ULBP3: variants seen among roughly 807,000 people sequenced by gnomAD.
ULBP3 encodes the protein UL16 binding protein 3.
A neutral mutation model predicts 24.9 loss-of-function variants in ULBP3; 25 were observed. The observed-to-expected ratio is 1.00, with a 90% CI of 0.73 to 1.40. ULBP3 has a LOEUF of 1.40. Ranked by LOEUF, ULBP3 falls within the 40% of genes most tolerant of loss-of-function variation. The pLI, the probability that ULBP3 is intolerant of heterozygous loss-of-function variation, is 0.00. For synonymous variants in ULBP3, 114 were observed against 114.7 expected, an observed-to-expected ratio of 0.99 and a Z score of 0.04; for missense variants, 306 against 307.5, an observed-to-expected ratio of 1.00 and a Z score of 0.04.
In ULBP3 at chr6:150,065,651, C is replaced by A. The variant is rs1396078365; in HGVS notation, c.375G>T (p.Arg125Ser). 1.2e-6 allele frequency: 2 copies of A among 1,614,214 alleles called. No homozygotes were observed. Among genetic ancestry groups the A allele is most frequent in the East Asian group, 2.2e-5 (1 of 44,888 alleles). ...TPSGPLTLQV[R>S]MSCECEADGY... ...CATCGGCTTCACACTCACAAGACAT[C>A]CTGACCTGCAGCGTGAGGGGTCCTG... The change falls in exon 3 of 5, where the codon AGG becomes AGT. Residue 125 changes from arginine (R) to serine (S), a missense_variant. Arg to Ser is a moderately radical substitution (Grantham distance 110). Transcript: ENST00000367339.
At chr6:150,067,316 C>A (rs969184380) in intron 1 of ULBP3, among the ~76,000 whole-genome samples, 2 of 152,230 alleles carry the variant, frequency 1.3e-5, no homozygotes, top group Non-Finnish European at 2.9e-5. Context: ...ATTGCAATGA[C>A]TCCTTCAGCC....
rs144839550 is a variant in ULBP3 at position 150,066,161 on chromosome 6, G to A, written c.90C>T (p.Asp30=). 5.4e-5 allele frequency: 87 copies of A among 1,611,286 alleles called. No individual in the cohort carries two copies. The African/African-American group carries it at 9.1e-4, about 17-fold the overall frequency. ...TGAAGTTATACCAGAGAGAGTGAGC[G>A]TCTAAGGAAAAAAAAAAAAAACACC... The part of the protein sequence containing the change: ...LFDWSGTGRA[D]AHSLWYNFTI... Residue 30 remains aspartate (D), a splice_region_variant and synonymous_variant, in exon 2 of 5, where the codon GAC becomes GAT. Coordinates refer to ENST00000367339, the MANE Select transcript of ULBP3 (RefSeq NM_024518.3).
At chr6:150,066,211 A>T (rs1469949668) in intron 1 of ULBP3, 49 bp from the exon 2 acceptor site, 1 of 1,578,420 alleles carries the variant, frequency 6.3e-7, no homozygotes, top group Non-Finnish European at 8.6e-7. Flanking sequence ...TGGGGGAAAG[A>T]CCCCAAACAC....
rs202219794 is a variant in ULBP3, at chr6:150,065,447, G to C, written c.579C>G (p.Ser193Arg). ...TGTGCATCAGGAAGTCCCTAAGCCA[G>C]CTCTTGCAGTCTCTCATTGAGACCA... is the stretch of plus-strand genomic sequence containing the variant. ...FKMVSMRDCK[S>R]WLRDFLMHRK... Residue 193 changes from serine (S) to arginine (R), a missense_variant, in exon 3 of 5, where the codon AGC (serine) becomes AGG (arginine). Physicochemically the swap from Ser to Arg is moderately radical, Grantham distance 110. Transcript: ENST00000367339. The C allele has an allele frequency of 6.2e-7, 1 of 1,614,162 alleles. No individual in the cohort carries two copies. Among genetic ancestry groups the C allele is most frequent in the East Asian group, 2.2e-5 (1 of 44,884 alleles).
Position 150,062,945 on chromosome 6 carries a change from A to G in ULBP3, c.*429T>C, listed in dbSNP as rs1776291144. Among the ~76,000 whole-genome samples the G allele has an allele frequency of 1.3e-5, 2 of 151,580 alleles. No individual in the cohort carries two copies. The highest frequency in any genetic ancestry group is 6.6e-5 in the Admixed American group (1 of 15,224). On this transcript the variant is annotated 3_prime_UTR_variant, in exon 5 of 5. Transcript: ENST00000367339. ...GTGAAACCCTGTCTCTACTAAAAAT[A>G]CAAAAAATTAGCCGGGCGCGGTGGC...
rs558595538 is a variant in ULBP3, at chr6:150,061,222, T to C, written c.*2152A>G. Among the ~76,000 whole-genome samples the C allele has an allele frequency of 6.6e-5, 10 of 152,318 alleles. No homozygotes were observed. In the East Asian group the frequency reaches 1.9e-3, roughly 29 times the overall value. ...CTCTCGTTCCACTCAGTTAACCCCA[T>C]TTTTTGGAGGGCTCTATGTCATTTT... On this transcript the variant is annotated 3_prime_UTR_variant, in exon 5 of 5. Transcript: ENST00000367339.
chr6:150,068,685 C>G (rs763241017), intron 1 of ULBP3, among the ~76,000 whole-genome samples: 1 of 152,192 alleles, frequency 6.6e-6, no homozygotes, highest in African/African-American at 2.4e-5. Context: ...AGTGGGGCTG[C>G]GGGGTTGCAC....
rs771989736 is a variant in ULBP3 at position 150,065,510 on chromosome 6, C to G, written c.516G>C (p.Lys172Asn). ...TGGTCAGTCCGCTATCCTTCTCCCACTTCTCTTTCATCCGCCTGGCTCCAG... is the reference window on the plus strand; with the variant it reads ...TGGTCAGTCCGCTATCCTTCTCCCAGTTCTCTTTCATCCGCCTGGCTCCAG... ...VHAGARRMKE[K>N]WEKDSGLTTF... Residue 172 changes from lysine (K) to asparagine (N), a missense_variant, in exon 3 of 5, where the codon AAG (lysine) becomes AAC (asparagine). Transcript: ENST00000367339. The G allele has an allele frequency of 1.2e-6, 2 of 1,614,214 alleles. No homozygotes were observed. Among genetic ancestry groups the G allele is most frequent in the Admixed American group, 3.3e-5 (2 of 60,030 alleles).
Position 150,065,683 on chromosome 6 carries a change from T to A in ULBP3, c.353-10A>T. The A allele has an allele frequency of 6.2e-7, 1 of 1,613,756 alleles. No individual in the cohort carries two copies. The highest frequency in any genetic ancestry group is 8.5e-7 in the Non-Finnish European group (1 of 1,179,736). On this transcript the variant is annotated splice_polypyrimidine_tract_variant and intron_variant, in intron 2 of 4. Transcript: ENST00000367339. Reference sequence around the variant, plus strand: ...TGCAGCGTGAGGGGTCCTGCCCCAATCAGAAAGAGATCAGCCCTGGTGTTT... The same window carrying A: ...TGCAGCGTGAGGGGTCCTGCCCCAAACAGAAAGAGATCAGCCCTGGTGTTT...
chr6:150,069,099 A>G lies in ULBP3; in HGVS notation c.-33T>C. The G allele has an allele frequency of 6.2e-7, 1 of 1,600,550 alleles. No homozygotes were observed. The highest frequency in any genetic ancestry group is 8.5e-7 in the Non-Finnish European group (1 of 1,173,566). ...CAGGAGCGCCCGGGACACAAGGCGC[A>G]GTCGATGTGGAGACCAGCGTATGAA... On this transcript the variant is annotated 5_prime_UTR_variant, in exon 1 of 5. Coordinates refer to ENST00000367339, the MANE Select transcript of ULBP3 (RefSeq NM_024518.3).
intron 4 of ULBP3, 112 bp downstream of exon 4, chr6:150,064,473 G>A: frequency 1.0e-6 from 1 of 966,528 alleles, no homozygotes; most frequent in Non-Finnish European, 1.6e-6. Flanking sequence ...TCTCATGTCA[G>A]AACGAGAAGG....
chr6:150,066,718 T>C (rs945047546), intron 1 of ULBP3, among the ~76,000 whole-genome samples: 6 of 152,140 alleles, frequency 3.9e-5, no homozygotes, highest in Admixed American at 3.9e-4. Flanking sequence ...GAAGTGCCCA[T>C]GCCAGAGTGA....
rs1177090250 is a variant in ULBP3, at chr6:150,066,144, T to C, written c.107A>G (p.Tyr36Cys). Residue 36 changes from tyrosine to cysteine, a missense_variant, in exon 2 of 5, where the codon TAT (tyrosine) becomes TGT (cysteine). Physicochemically the swap from Tyr to Cys is radical, Grantham distance 194. Coordinates refer to ENST00000367339, the MANE Select transcript of ULBP3 (RefSeq NM_024518.3). ...TGRADAHSLW[Y>C]NFTIIHLPRH... ...GGGCAAATGAATGATGGTGAAGTTATACCAGAGAGAGTGAGCGTCTAAGGA... is the reference window on the plus strand; with the variant it reads ...GGGCAAATGAATGATGGTGAAGTTACACCAGAGAGAGTGAGCGTCTAAGGA... The C allele has an allele frequency of 1.2e-6, 2 of 1,613,878 alleles. No individual in the cohort carries two copies. Among genetic ancestry groups the C allele is most frequent in the South Asian group, 1.1e-5 (1 of 91,076 alleles).
intron 4 of ULBP3, among the ~76,000 whole-genome samples, chr6:150,064,035 C>T (rs1212985981): frequency 6.6e-6 from 1 of 152,216 alleles, no homozygotes; most frequent in African/African-American, 2.4e-5. Flanking sequence ...TACTCTTCAC[C>T]TTCCACCTTA....
Position 150,063,239 on chromosome 6 carries a change from G to A in ULBP3, c.*135C>T. 35 of 564,068 alleles carry A rather than the reference G, an allele frequency of 6.2e-5. No homozygotes were observed. The highest frequency in any genetic ancestry group is 7.9e-5 in the Non-Finnish European group (35 of 444,874). 34.9% of individuals were successfully genotyped at this position (564,068 alleles called of 1,614,324 possible). On this transcript the variant is annotated 3_prime_UTR_variant, in exon 5 of 5. Coordinates refer to ENST00000367339, the MANE Select transcript of ULBP3 (RefSeq NM_024518.3). ...GCTGGGGGCCTCTGGGCTTGCTAAG[G>A]CTTGAACTCCTGCTTTCCAGAAAGG...
In ULBP3 at chr6:150,065,629, C is replaced by G. The variant is rs762480458; in HGVS notation, c.397G>C (p.Asp133His). ...TGCCAAGATCCACGGATGTATCCAT[C>G]GGCTTCACACTCACAAGACATCCTG... Reference protein sequence around the residue: ...QVRMSCECEADGYIRGSWQFS... With the variant: ...QVRMSCECEAHGYIRGSWQFS... The change falls in exon 3 of 5, where the codon GAT becomes CAT. Residue 133 changes from aspartate (D) to histidine (H), a missense_variant. Physicochemically the swap from Asp to His is moderately conservative, Grantham distance 81. Transcript: ENST00000367339. The G allele has an allele frequency of 1.2e-5, 20 of 1,614,058 alleles. No homozygotes were observed. In the African/African-American group the frequency reaches 2.5e-4, roughly 20 times the overall value.
At chr6:150,064,819 G>T in intron 3 of ULBP3, 106 bp from the exon 4 acceptor site, 1 of 1,231,978 alleles carries the variant, frequency 8.1e-7, no homozygotes, top group Non-Finnish European at 1.2e-6. Context: ...CAGAGGATTT[G>T]TCTCCCCTGC....
In ULBP3 at chr6:150,065,490, A is replaced by G; in HGVS notation, c.536T>C (p.Leu179Pro). 1 of 1,614,178 alleles carries G rather than the reference A, an allele frequency of 6.2e-7. No individual in the cohort carries two copies. Among genetic ancestry groups the G allele is most frequent in the Non-Finnish European group, 8.5e-7 (1 of 1,180,008 alleles). Reference protein sequence around the residue: ...MKEKWEKDSGLTTFFKMVSMR... With the variant: ...MKEKWEKDSGPTTFFKMVSMR... The stretch of plus-strand genomic sequence containing the variant: ...TGAGACCATCTTGAAGAAGGTGGTC[A>G]GTCCGCTATCCTTCTCCCACTTCTC... The change falls in exon 3 of 5, where the codon CTG becomes CCG. Residue 179 changes from leucine (L) to proline (P), a missense_variant. Physicochemically the swap from Leu to Pro is moderately conservative, Grantham distance 98 (BLOSUM62 -3). Transcript: ENST00000367339.
At position 150,062,957 on chromosome 6, in the gene ULBP3, C is replaced by T. The variant is rs1325989405; in HGVS notation, c.*417G>A. On this transcript the variant is annotated 3_prime_UTR_variant, in exon 5 of 5. Transcript: ENST00000367339. ...CTCTACTAAAAATACAAAAAATTAGCCGGGCGCGGTGGCGGGTGCCTGTAG... is the reference window on the plus strand; with the variant it reads ...CTCTACTAAAAATACAAAAAATTAGTCGGGCGCGGTGGCGGGTGCCTGTAG... Among the ~76,000 whole-genome samples, 2 of 151,328 alleles carry T rather than the reference C, an allele frequency of 1.3e-5. No individual in the cohort carries two copies. Among genetic ancestry groups the T allele is most frequent in the East Asian group, 1.9e-4 (1 of 5,160 alleles).
Sources: allele counts gnomAD v4.1 joint callset (sites outside exome capture counted in the v4.1 genomes callset), GRCh38; gene constraint gnomAD v4.1.1; transcripts MANE v1.5; gene names NCBI Gene and HGNC (gene_info 2026-07-23, HGNC 2026-07-21).